SCRIB: variants seen among roughly 807,000 people sequenced by gnomAD.
SCRIB encodes scribble planar cell polarity protein.
Under a neutral mutation model 170.0 loss-of-function variants are expected in SCRIB, and 72 were observed. That is an observed-to-expected ratio of 0.42 (90% confidence interval 0.35 to 0.52). SCRIB has a LOEUF of 0.52. SCRIB is among the 20% of genes least tolerant of loss of function. The probability of loss-of-function intolerance (pLI) is 0.02; values close to 1 mark genes in which losing one functional copy is unlikely to be tolerated. For synonymous variants in SCRIB, 1,298 were observed against 1,044.3 expected, an observed-to-expected ratio of 1.24 and a Z score of -4.68; for missense variants, 2,475 against 2,338.5, an observed-to-expected ratio of 1.06 and a Z score of -1.20.
chr8:143,799,336 A>C (rs2130035879), intron 24 of SCRIB, among the ~76,000 whole-genome samples: 1 of 152,364 alleles, frequency 6.6e-6, no homozygotes, highest in South Asian at 2.1e-4. Context: ...TTTAATTTTT[A>C]ATGGTGATGA....
At chr8:143,811,438 G>T in intron 9 of SCRIB, 93 bp from the exon 10 acceptor site, 1 of 1,103,832 alleles carries the variant, frequency 9.1e-7, no homozygotes, top group Non-Finnish European at 1.3e-6. Flanking sequence ...GACACCCCAG[G>T]CCAGCTCCAG....
At chr8:143,795,392 G>A (rs1814899358) in intron 25 of SCRIB, 28 bp downstream of exon 25, 6 of 1,612,596 alleles carry the variant, frequency 3.7e-6, no homozygotes, top group Non-Finnish European at 5.1e-6. Flanking sequence ...CCCTGGCCCT[G>A]GGGCTGCCGG....
chr8:143,812,411 G>T, intron 8 of SCRIB, 27 bp from the exon 9 acceptor site: 2 of 1,508,948 alleles, frequency 1.3e-6, no homozygotes, highest in Non-Finnish European at 1.8e-6. Flanking sequence ...AGGGGGACAA[G>T]GCTGAGCATG....
In SCRIB at chr8:143,792,765, G is replaced by C; in HGVS notation, c.4120C>G (p.Pro1374Ala). The C allele has an allele frequency of 1.9e-6, 3 of 1,587,242 alleles. No homozygotes were observed. The highest frequency in any genetic ancestry group is 2.3e-5 in the East Asian group (1 of 44,242). The part of the protein sequence containing the change: ...EVRVPQAEGP[P>A]KRVSLVGADD... Reference sequence around the variant, plus strand: ...GCACCCACCAGGGACACGCGCTTAGGGGGGCCCTCGGCCTGGGGCACGCGC... The same window carrying C: ...GCACCCACCAGGGACACGCGCTTAGCGGGGCCCTCGGCCTGGGGCACGCGC... The change falls in exon 30 of 37, where the codon CCT (proline) becomes GCT (alanine). Residue 1374 changes from proline (P) to alanine (A), a missense_variant. Around this residue, in one of 3 missense-constraint regions of SCRIB, gnomAD observed 1,966 missense variants for 1,742.9 expected, o/e 1.13. Transcript: ENST00000356994.
intron 16 of SCRIB, 44 bp from the exon 17 acceptor site, chr8:143,807,057 G>C: frequency 7.2e-7 from 1 of 1,390,016 alleles, no homozygotes. Flanking sequence ...CCGCAGTGGG[G>C]CTGCCTGTGC....
intron 31 of SCRIB, 25 bp downstream of exon 31, chr8:143,792,460 G>T: frequency 6.6e-7 from 1 of 1,519,856 alleles, no homozygotes; most frequent in Admixed American, 1.9e-5. Flanking sequence ...GGTGAGTAGG[G>T]GGCGTCTGGT....
chr8:143,810,580 G>A lies in SCRIB; in HGVS notation c.1429C>T (p.His477Tyr), dbSNP rs1815662717. Residue 477 changes from histidine to tyrosine, a missense_variant, in exon 13 of 37, where the codon CAC becomes TAC. Physicochemically the swap from His to Tyr is moderately conservative, Grantham distance 83. Transcript: ENST00000356994. ...KRGLQRRATPHPSELKVMKRS... is the reference protein window; with the variant it reads ...KRGLQRRATPYPSELKVMKRS... ...TTCATCACCTTGAGCTCGCTGGGGT[G>A]AGGTGTGGCCCGGCGCTGTAGGCCC... is the stretch of plus-strand genomic sequence containing the variant. The A allele has an allele frequency of 6.2e-7, 1 of 1,613,620 alleles. No homozygotes were observed. Among genetic ancestry groups the A allele is most frequent in the Non-Finnish European group, 8.5e-7 (1 of 1,179,986 alleles).
rs372252169 is a variant in SCRIB, at chr8:143,793,021, G to T, written c.3972C>A (p.Phe1324Leu). The T allele has an allele frequency of 2.0e-6, 3 of 1,515,472 alleles. No homozygotes were observed. The highest frequency in any genetic ancestry group is 1.3e-5 in the South Asian group (1 of 79,178). 93.9% of individuals were successfully genotyped at this position (1,515,472 alleles called of 1,614,324 possible). ...PANVKQAYRA[F>L]AAVPTSHPPE... Reference sequence around the variant, plus strand: ...GCGGGTGAGAAGTGGGCACGGCCGCGAAGGCCCTGTAGGCCTGCTTCACAT... The same window carrying T: ...GCGGGTGAGAAGTGGGCACGGCCGCTAAGGCCCTGTAGGCCTGCTTCACAT... The change falls in exon 29 of 37, where the codon TTC (phenylalanine) becomes TTA (leucine). Residue 1324 changes from phenylalanine (F) to leucine (L), a missense_variant. Physicochemically the swap from Phe to Leu is conservative, Grantham distance 22. Coordinates refer to ENST00000356994, the MANE Select transcript of SCRIB (RefSeq NM_182706.5).
At position 143,810,944 on chromosome 8, in the gene SCRIB, G is replaced by A. The variant is rs1377528066; in HGVS notation, c.1235C>T (p.Thr412Ile). 1.9e-6 allele frequency: 3 copies of A among 1,612,142 alleles called. No individual in the cohort carries two copies. Among genetic ancestry groups the A allele is most frequent in the Admixed American group, 3.3e-5 (2 of 60,002 alleles). Reference protein sequence around the residue: ...DDARTGEKVLTCYLLPQQPPP... With the variant: ...DDARTGEKVLICYLLPQQPPP... ...GGGCTGCTGGGGCAGCAAGTAGCAGGTGAGCACCTTCTCGCCGGTCCGGGC... is the reference window on the plus strand; with the variant it reads ...GGGCTGCTGGGGCAGCAAGTAGCAGATGAGCACCTTCTCGCCGGTCCGGGC... The change falls in exon 11 of 37, where the codon ACC becomes ATC. Residue 412 changes from threonine to isoleucine, a missense_variant. By Grantham distance (89) the Thr-to-Ile change is moderately conservative. Around this residue, in one of 3 missense-constraint regions of SCRIB, gnomAD observed 487 missense variants for 558.1 expected, o/e 0.87. Transcript: ENST00000356994.
Position 143,809,542 on chromosome 8 carries a change from A to G in SCRIB, c.1698+9T>C, listed in dbSNP as rs1485619629. On this transcript the variant is annotated intron_variant, in intron 14 of 36. Coordinates refer to ENST00000356994, the MANE Select transcript of SCRIB (RefSeq NM_182706.5). ...CCCAGCCTCCTGCCTCCTTCCTGCC[A>G]ATCCACACCTCCTGGTAGTCCTCTT... 5 of 1,603,214 alleles carry G rather than the reference A, an allele frequency of 3.1e-6. No homozygotes were observed. The East Asian group carries it at 9.0e-5, about 29-fold the overall frequency.
At position 143,795,327 on chromosome 8, in the gene SCRIB, C is replaced by T. The variant is rs530188345; in HGVS notation, c.3721G>A (p.Glu1241Lys). The change falls in exon 26 of 37, where the codon GAG becomes AAG. Residue 1241 changes from glutamate (E) to lysine (K), a missense_variant. Physicochemically the swap from Glu to Lys is moderately conservative, Grantham distance 56. Around this residue, in one of 3 missense-constraint regions of SCRIB, gnomAD observed 1,966 missense variants for 1,742.9 expected, o/e 1.13. Transcript: ENST00000356994. ...LSPEGPGKEK[E>K]LPGQTLHWGP... ...CAGTGCAGGGTCTGTCCAGGCAGCT[C>T]CTTCTCCTGTGAGCAGAGCAGAGCA... 1.6e-5 allele frequency: 26 copies of T among 1,612,898 alleles called. No homozygotes were observed. The East Asian group carries it at 4.2e-4, about 26-fold the overall frequency.
Position 143,810,681 on chromosome 8 carries a change from C to G in SCRIB, c.1404+5G>C, listed in dbSNP as rs1203538634. 1 of 1,603,050 alleles carries G rather than the reference C, an allele frequency of 6.2e-7. No homozygotes were observed. The highest frequency in any genetic ancestry group is 1.7e-5 in the Admixed American group (1 of 59,732). ...GGTTCGCCCCCCAGATCCTCACCCTCATACCCGCTTCTCAGCTGCAGCTTC... is the reference window on the plus strand; with the variant it reads ...GGTTCGCCCCCCAGATCCTCACCCTGATACCCGCTTCTCAGCTGCAGCTTC... On this transcript the variant is annotated splice_donor_5th_base_variant and intron_variant, in intron 12 of 36. Transcript: ENST00000356994.
chr8:143,813,391 G>T lies in SCRIB; in HGVS notation c.504-17C>A, dbSNP rs377677464. On this transcript the variant is annotated splice_polypyrimidine_tract_variant and intron_variant, in intron 5 of 36. Coordinates refer to ENST00000356994, the MANE Select transcript of SCRIB (RefSeq NM_182706.5). ...GACAGGGACCTGCAGAGGAAGCAGG[G>T]TGGAGGTGTGGCCACGCAGCCCTGG... 1 of 1,613,430 alleles carries T rather than the reference G, an allele frequency of 6.2e-7. No homozygotes were observed.
At chr8:143,807,309 G>A (rs1351149545) in intron 16 of SCRIB, among the ~76,000 whole-genome samples, 3 of 152,222 alleles carry the variant, frequency 2.0e-5, no homozygotes, top group African/African-American at 7.2e-5. Context: ...TGCCTCCGCA[G>A]GCAGGTAAGG....
chr8:143,797,631 G>A (rs1186714509), intron 24 of SCRIB, among the ~76,000 whole-genome samples: 2 of 152,240 alleles, frequency 1.3e-5, no homozygotes, highest in Non-Finnish European at 2.9e-5. Context: ...ACACAGACAC[G>A]TGGTAGCTCC....
intron 15 of SCRIB, among the ~76,000 whole-genome samples, chr8:143,808,390 C>T (rs1181377865): frequency 6.9e-6 from 1 of 144,856 alleles, no homozygotes; most frequent in South Asian, 2.2e-4. Context: ...AACGCCAGGG[C>T]AGGCCTGGAG....
At position 143,813,304 on chromosome 8, in the gene SCRIB, C is replaced by T; in HGVS notation, c.567+7G>A. 1 of 1,613,490 alleles carries T rather than the reference C, an allele frequency of 6.2e-7. No homozygotes were observed. The highest frequency in any genetic ancestry group is 8.5e-7 in the Non-Finnish European group (1 of 1,180,000). ...TCCGGTCTCTGCCCTGTCAGGCCTC[C>T]ACGCACCAGCACTTCCAGATCGTTG... On this transcript the variant is annotated splice_region_variant and intron_variant, in intron 6 of 36. Transcript: ENST00000356994.
In SCRIB at chr8:143,813,895, A is replaced by C. The variant is rs1338995631; in HGVS notation, c.279T>G (p.Asp93Glu). The change falls in exon 3 of 37, where the codon GAT (aspartate) becomes GAG (glutamate). Residue 93 changes from aspartate to glutamate, a missense_variant and splice_region_variant. Coordinates refer to ENST00000356994, the MANE Select transcript of SCRIB (RefSeq NM_182706.5). ...TGATGCTCTCCGGGATCTCAGGGAT[A>C]TCTGTCACAGAGGGTCACAGTGGAC... Reference protein sequence around the residue: ...QLVELDVSRNDIPEIPESIKF... With the variant: ...QLVELDVSRNEIPEIPESIKF... 6.2e-7 allele frequency: 1 copy of C among 1,607,982 alleles called. No individual in the cohort carries two copies. Among genetic ancestry groups the C allele is most frequent in the African/African-American group, 1.3e-5 (1 of 74,864 alleles).
Position 143,813,901 on chromosome 8 carries a change from C to T in SCRIB, c.278-5G>A. 6.2e-7 allele frequency: 1 copy of T among 1,606,438 alleles called. No individual in the cohort carries two copies. ...TCTCCGGGATCTCAGGGATATCTGT[C>T]ACAGAGGGTCACAGTGGACAGATGC... On this transcript the variant is annotated splice_polypyrimidine_tract_variant and splice_region_variant and intron_variant, in intron 2 of 36. Transcript: ENST00000356994.
Sources: allele counts gnomAD v4.1 joint callset (sites outside exome capture counted in the v4.1 genomes callset), GRCh38; gene constraint gnomAD v4.1.1; regional missense constraint gnomAD v4.1.1; transcripts MANE v1.5; gene names NCBI Gene and HGNC (gene_info 2026-07-23, HGNC 2026-07-21).